The following COMMD10 variants were observed in gnomAD, a reference collection of about 807,000 sequenced individuals.
The protein encoded by COMMD10 is COMM domain-containing protein 10.
COMMD10 carries 33 observed loss-of-function variants against 28.9 expected under a neutral mutation model. The ratio of observed to expected loss-of-function variants is 1.14; its 90% CI spans 0.87 to 1.53. COMMD10 has a LOEUF of 1.53. COMMD10 is among the 40% of genes most tolerant of loss of function. COMMD10 has a pLI of 0.00. For missense variants in COMMD10, 310 were observed against 233.4 expected (o/e 1.33, Z -2.14); for synonymous variants, 110 against 81.7 (o/e 1.35, Z -1.87).
chr5:116,157,407 C>T (rs1478437512), intron 5 of COMMD10, among the ~76,000 whole-genome samples: 2 of 152,112 alleles, frequency 1.3e-5, no homozygotes, highest in Non-Finnish European at 2.9e-5. Context: ...CTGACTTGCT[C>T]ATGTTTCAGC....
intron 5 of COMMD10, among the ~76,000 whole-genome samples, chr5:116,193,370 A>G (rs144826788): frequency 8.9e-4 from 135 of 152,328 alleles, no homozygotes; most frequent in African/African-American, 3.0e-3. Context: ...AAAGATACAG[A>G]GTGGCATAAT....
rs1405625857 is a variant in COMMD10, at chr5:116,246,386, A to G, written c.511-45131A>G. Among the ~76,000 whole-genome samples the G allele has an allele frequency of 2.6e-5, 4 of 152,070 alleles. No individual in the cohort carries two copies. The East Asian group carries it at 7.7e-4, about 29-fold the overall frequency. On this transcript the variant is annotated intron_variant, in intron 5 of 6. Transcript: ENST00000274458. The stretch of plus-strand genomic sequence containing the variant: ...CTCATGAACAAGAAGAATCAATGTC[A>G]TTAAAAATGGCCATACTTCCCAAAG...
At chr5:116,119,286 G>A (rs769697555) in intron 4 of COMMD10, among the ~76,000 whole-genome samples, 2 of 152,138 alleles carry the variant, frequency 1.3e-5, no homozygotes, top group African/African-American at 2.4e-5. Flanking sequence ...TAAACTTGAG[G>A]GTATTGGTTA....
intron 5 of COMMD10, among the ~76,000 whole-genome samples, chr5:116,140,229 CTA>C (rs869170179): frequency 2.8e-4 from 34 of 122,284 alleles, no homozygotes; most frequent in Non-Finnish European, 4.7e-4. Flanking sequence ...ACTCATACTA[CTA>C]TGTGTGTGTG....
intron 4 of COMMD10, among the ~76,000 whole-genome samples, chr5:116,118,254 A>G (rs1375010133): frequency 3.9e-5 from 6 of 151,914 alleles, no homozygotes; most frequent in Non-Finnish European, 7.4e-5. Context: ...TTTCTCCATA[A>G]TATTTATTTT....
intron 5 of COMMD10, among the ~76,000 whole-genome samples, chr5:116,153,618 A>G (rs369986520): frequency 1.1e-4 from 5 of 44,626 alleles, no homozygotes; most frequent in African/African-American, 1.5e-4. Flanking sequence ...GAGCTTTGCA[A>G]TTAATAAGCA....
At chr5:116,207,637 T>C (rs1046025421) in intron 5 of COMMD10, among the ~76,000 whole-genome samples, 2 of 152,128 alleles carry the variant, frequency 1.3e-5, no homozygotes, top group African/African-American at 4.8e-5. Flanking sequence ...GCGATTCTTA[T>C]GCCTCAGCCT....
Position 116,182,419 on chromosome 5 carries a change from G to A in COMMD10, c.510+48241G>A, listed in dbSNP as rs536719999. Among the ~76,000 whole-genome samples, 3 of 151,864 alleles carry A rather than the reference G, an allele frequency of 2.0e-5. No individual in the cohort carries two copies. In the East Asian group the frequency reaches 5.8e-4, roughly 29 times the overall value. On this transcript the variant is annotated intron_variant, in intron 5 of 6. Coordinates refer to ENST00000274458, the MANE Select transcript of COMMD10 (RefSeq NM_016144.4). ...AATGGGGAAGAGGTGTGGGGGGTGG[G>A]TGTCAGTGAGCTCAGCTGTTTTGAG...
chr5:116,272,415 T>A (rs1319098656), intron 5 of COMMD10, among the ~76,000 whole-genome samples: 1 of 151,864 alleles, frequency 6.6e-6, no homozygotes, highest in Non-Finnish European at 1.5e-5. Context: ...TGAAGCTTTC[T>A]TAGGTGTTTT....
At chr5:116,208,015 T>A (rs1415652244) in intron 5 of COMMD10, among the ~76,000 whole-genome samples, 1 of 152,180 alleles carries the variant, frequency 6.6e-6, no homozygotes, top group Admixed American at 6.5e-5. Flanking sequence ...GGCTCCTGAA[T>A]TGCAATGCCT....
chr5:116,123,435 G>A (rs1039813145), intron 4 of COMMD10, among the ~76,000 whole-genome samples: 1 of 152,156 alleles, frequency 6.6e-6, no homozygotes, highest in African/African-American at 2.4e-5. Context: ...GATTGTGGTG[G>A]ATAAACTTTT....
chr5:116,209,039 T>C lies in COMMD10; in HGVS notation c.510+74861T>C, dbSNP rs138736933. Among the ~76,000 whole-genome samples the C allele has an allele frequency of 7.1e-3, 1,088 of 152,296 alleles. 5 individuals carry two copies. The highest frequency in any genetic ancestry group is 0.012 in the Non-Finnish European group (807 of 68,012). On this transcript the variant is annotated intron_variant, in intron 5 of 6. Coordinates refer to ENST00000274458, the MANE Select transcript of COMMD10 (RefSeq NM_016144.4). ...TCTCTTTTCTTTGTTCTTGGTGTAC[T>C]AATCTGATTCCTCTTCCATGGCTAT...
intron 5 of COMMD10, among the ~76,000 whole-genome samples, chr5:116,208,525 C>T (rs1216196629): frequency 6.6e-6 from 1 of 152,080 alleles, no homozygotes; most frequent in Admixed American, 6.6e-5. Context: ...TTTGGGATCC[C>T]TTTGTTTATA....
At chr5:116,177,098 C>T (rs1753539397) in intron 5 of COMMD10, among the ~76,000 whole-genome samples, 1 of 152,018 alleles carries the variant, frequency 6.6e-6, no homozygotes, top group Admixed American at 6.6e-5. Flanking sequence ...AGTCACAGTG[C>T]CACTGATAGG....
chr5:116,159,796 A>G (rs1222599800), intron 5 of COMMD10, among the ~76,000 whole-genome samples: 2 of 152,216 alleles, frequency 1.3e-5, no homozygotes, highest in Non-Finnish European at 2.9e-5. Context: ...GAAAAAAGGA[A>G]TGCATGGTCT....
intron 5 of COMMD10, among the ~76,000 whole-genome samples, chr5:116,224,562 G>T (rs1043406336): frequency 4.6e-5 from 7 of 152,108 alleles, no homozygotes; most frequent in African/African-American, 1.7e-4. Context: ...ACAAGGGTCC[G>T]GGGCCGCGGT....
intron 5 of COMMD10, among the ~76,000 whole-genome samples, chr5:116,251,658 G>A (rs374214094): frequency 6.0e-5 from 9 of 150,822 alleles, no homozygotes; most frequent in Admixed American, 4.0e-4. Flanking sequence ...ATTCCATGGT[G>A]TATATGTGCC....
intron 4 of COMMD10, among the ~76,000 whole-genome samples, chr5:116,127,601 A>G (rs2112762748): frequency 6.6e-6 from 1 of 152,340 alleles, no homozygotes; most frequent in Admixed American, 6.5e-5. Flanking sequence ...CAGCCATAAA[A>G]AAGGATGAGT....
chr5:116,229,925 C>G (rs979424390), intron 5 of COMMD10, among the ~76,000 whole-genome samples: 2 of 151,344 alleles, frequency 1.3e-5, no homozygotes, highest in African/African-American at 4.9e-5. Flanking sequence ...TTTAGACCAC[C>G]TAAAAACACT....
Sources: allele counts gnomAD v4.1 joint callset (sites outside exome capture counted in the v4.1 genomes callset), GRCh38; gene constraint gnomAD v4.1.1; transcripts MANE v1.5; gene names NCBI Gene and HGNC (gene_info 2026-07-23, HGNC 2026-07-21).